The following KLC1 variants were observed in gnomAD, a reference collection of about 807,000 sequenced individuals.
KLC1 encodes kinesin 2 60/70kDa.
A neutral mutation model predicts 84.2 loss-of-function variants in KLC1; 30 were observed. That is an observed-to-expected ratio of 0.36 (90% confidence interval 0.27 to 0.48). The LOEUF (loss-of-function observed/expected upper bound fraction) is 0.48, where lower values mean the gene tolerates loss of function less well. Ranked by LOEUF, KLC1 falls within the 20% of genes least tolerant of loss-of-function variation. KLC1 has a pLI of 0.99. For synonymous variants in KLC1, 289 were observed against 293.3 expected (o/e 0.99, Z 0.15); for missense variants, 499 against 805.4 (o/e 0.62, Z 4.60).
chr14:103,691,368 C>T (rs2082099307), intron 14 of KLC1, among the ~76,000 whole-genome samples: 1 of 151,192 alleles, frequency 6.6e-6, no homozygotes, highest in South Asian at 2.1e-4. Flanking sequence ...CCACGTTGCC[C>T]AGGCTGGTTG....
At chr14:103,677,973 A>T (rs1197734377) in intron 12 of KLC1, among the ~76,000 whole-genome samples, 1 of 31,978 alleles carries the variant, frequency 3.1e-5, no homozygotes, top group Non-Finnish European at 1.8e-4. Flanking sequence ...TCTCAATTTA[A>T]AAAAAAAAAA....
chr14:103,660,912 G>C (rs564298388), intron 3 of KLC1, among the ~76,000 whole-genome samples: 14 of 152,316 alleles, frequency 9.2e-5, no homozygotes, highest in African/African-American at 3.4e-4. Flanking sequence ...TGGGACATTG[G>C]AGGATGTTGA....
intron 1 of KLC1, among the ~76,000 whole-genome samples, chr14:103,648,472 T>C (rs1043774056): frequency 6.6e-6 from 1 of 152,134 alleles, no homozygotes; most frequent in African/African-American, 2.4e-5. Context: ...AAAGAATGAT[T>C]GAAGTAAATC....
intron 16 of KLC1, 103 bp downstream of exon 16, chr14:103,700,830 T>C: frequency 1.1e-6 from 1 of 932,590 alleles, no homozygotes; most frequent in Non-Finnish European, 1.6e-6. Context: ...AAGTGGTGAC[T>C]GCTGCTAGCT....
chr14:103,696,058 G>GT (rs1450933572), intron 15 of KLC1: 12 of 982,256 alleles, frequency 1.2e-5, no homozygotes, highest in Non-Finnish European at 1.4e-5. Context: ...GTCAGCACCT[G>GT]TTTCTTCAGA....
intron 1 of KLC1, among the ~76,000 whole-genome samples, chr14:103,629,744 C>T (rs2076527671): frequency 6.6e-6 from 1 of 152,122 alleles, no homozygotes; most frequent in Non-Finnish European, 1.5e-5. Flanking sequence ...CCCCGGCTCC[C>T]GGCGCCGCGC....
At chr14:103,663,119 A>G (rs1208626587) in intron 5 of KLC1, among the ~76,000 whole-genome samples, 192 bp downstream of exon 5, 1 of 148,884 alleles carries the variant, frequency 6.7e-6, no homozygotes, top group Non-Finnish European at 1.5e-5. Context: ...TCGTTCTGTC[A>G]CCCAGGCTGG....
chr14:103,667,133 C>T lies in KLC1; in HGVS notation c.798-2378C>T, dbSNP rs990337705. The stretch of plus-strand genomic sequence containing the variant: ...CTTATTTTATTTTATTTTTTTTACA[C>T]GGAGTTTCACTCTTGTTGGCCAGGC... On this transcript the variant is annotated intron_variant, in intron 5 of 16. Transcript: ENST00000334553. Among the ~76,000 whole-genome samples the T allele has an allele frequency of 4.6e-5, 7 of 151,378 alleles. No individual in the cohort carries two copies. In the South Asian group the frequency reaches 6.2e-4, roughly 13 times the overall value.
At position 103,648,599 on chromosome 14, in the gene KLC1, A is replaced by G. The variant is rs144285797; in HGVS notation, c.-1-5965A>G. On this transcript the variant is annotated intron_variant, in intron 1 of 16. Coordinates refer to ENST00000334553, the MANE Select transcript of KLC1 (RefSeq NM_001394837.1). The stretch of plus-strand genomic sequence containing the variant: ...GGAGTTGAAGGCCAGCCTCGGCAAC[A>G]TGGCAAGACCCTCTCTACAGAAAAT... Among the ~76,000 whole-genome samples the G allele has an allele frequency of 4.1e-4, 63 of 152,218 alleles. 1 individual carries two copies. The highest frequency in any genetic ancestry group is 1.5e-3 in the African/African-American group (61 of 41,536).
intron 1 of KLC1, among the ~76,000 whole-genome samples, chr14:103,630,320 C>T (rs547639178): frequency 2.0e-4 from 31 of 152,244 alleles, no homozygotes; most frequent in Middle Eastern, 6.8e-3. Context: ...TAGGTCATTT[C>T]TAGGTATATT....
Position 103,654,783 on chromosome 14 carries a change from G to C in KLC1, c.219G>C (p.Arg73=). 1 of 1,614,230 alleles carries C rather than the reference G, an allele frequency of 6.2e-7. No individual in the cohort carries two copies. The highest frequency in any genetic ancestry group is 2.2e-5 in the East Asian group (1 of 44,888). ...NLVEEKSNMI[R]KSLEMLELGL... ...TGGAGGAGAAATCAAACATGATCCG[G>C]AAGTCACTGGAGATGTTGGAGCTCG... Residue 73 remains arginine (R), a synonymous_variant, in exon 2 of 17, where the codon CGG becomes CGC. Transcript: ENST00000334553.
intron 1 of KLC1, among the ~76,000 whole-genome samples, chr14:103,641,970 G>A (rs1595269135): frequency 6.6e-6 from 1 of 151,766 alleles, no homozygotes; most frequent in Non-Finnish European, 1.5e-5. Context: ...TCACTCCATC[G>A]CCCAGGCTGG....
intron 15 of KLC1, chr14:103,697,257 G>GC (rs2082608083): frequency 2.7e-6 from 1 of 366,458 alleles, no homozygotes; most frequent in Non-Finnish European, 3.8e-6. Context: ...GTCATAGAGA[G>GC]CCTTGATAAC....
intron 13 of KLC1, among the ~76,000 whole-genome samples, chr14:103,682,117 TC>T (rs1270873436): frequency 1.3e-5 from 2 of 152,092 alleles, no homozygotes; most frequent in Non-Finnish European, 2.9e-5. Context: ...ACACCTGTAA[TC>T]CCAGCACTTT....
At chr14:103,641,436 C>G (rs2077479768) in intron 1 of KLC1, among the ~76,000 whole-genome samples, 1 of 152,054 alleles carries the variant, frequency 6.6e-6, no homozygotes, top group African/African-American at 2.4e-5. Flanking sequence ...GACTCACGAA[C>G]AACACAAGCC....
intron 9 of KLC1, among the ~76,000 whole-genome samples, chr14:103,674,487 T>A (rs913370587): frequency 6.6e-6 from 1 of 151,902 alleles, no homozygotes; most frequent in Non-Finnish European, 1.5e-5. Context: ...TGATCTTGGC[T>A]CACTGCAACC....
rs28630775 is a variant in KLC1 at position 103,639,422 on chromosome 14, C to T, written c.-2+9928C>T. On this transcript the variant is annotated intron_variant, in intron 1 of 16. Transcript: ENST00000334553. ...TTGGGATTACAGGTGTGAGCCACCA[C>T]GCCTGGCTCTTTCTTGTCTTTTACT... Among the ~76,000 whole-genome samples, 874 of 152,230 alleles carry T rather than the reference C, an allele frequency of 5.7e-3. 8 individuals carry two copies. Among genetic ancestry groups the T allele is most frequent in the African/African-American group, 0.02 (833 of 41,558 alleles).
At chr14:103,670,907 GA>G (rs1263433204) in intron 7 of KLC1, among the ~76,000 whole-genome samples, 1 of 151,668 alleles carries the variant, frequency 6.6e-6, no homozygotes, top group Non-Finnish European at 1.5e-5. Flanking sequence ...AACATAGTGA[GA>G]CCTCGTCTCT....
At chr14:103,695,668 T>C in intron 15 of KLC1, 1 of 985,430 alleles carries the variant, frequency 1.0e-6, no homozygotes, top group South Asian at 4.7e-5. Context: ...AATTTTAACC[T>C]CTTCAGACTG....
Sources: gnomAD v4.1 joint callset for allele counts (sites outside exome capture counted in the v4.1 genomes callset) on GRCh38, gnomAD v4.1.1 for gene constraint, MANE v1.5 for transcripts, NCBI Gene and HGNC (gene_info 2026-07-23, HGNC 2026-07-21) for gene names.